TEX9: variants seen among roughly 807,000 people sequenced by gnomAD.
The protein encoded by TEX9 is testis expressed 9.
TEX9 carries 74 observed loss-of-function variants against 59.6 expected under a neutral mutation model. The ratio of observed to expected loss-of-function variants is 1.24; its 90% confidence interval spans 1.03 to 1.51. The LOEUF is 1.51. Among genes scored for constraint, TEX9 ranks in the 40% most tolerant of loss-of-function variants. The pLI is 0.00. For synonymous variants in TEX9, 186 were observed against 152.2 expected (o/e 1.22, Z -1.64); for missense variants, 522 against 447.8 (o/e 1.17, Z -1.49).
intron 10 of TEX9, among the ~76,000 whole-genome samples, chr15:56,419,828 A>T (rs1490641118): frequency 4.0e-5 from 6 of 151,836 alleles, no homozygotes; most frequent in African/African-American, 1.5e-4. Flanking sequence ...CTTTCAGATA[A>T]GTTTTTGTAG....
chr15:56,254,905 T>C (rs1198682160), intron 1 of TEX9, among the ~76,000 whole-genome samples: 1 of 151,680 alleles, frequency 6.6e-6, no homozygotes, highest in African/African-American at 2.4e-5. Flanking sequence ...TGAAATAAAC[T>C]CAGGACATAT....
intron 1 of TEX9, among the ~76,000 whole-genome samples, chr15:56,340,093 A>G (rs1276997702): frequency 6.6e-6 from 1 of 152,134 alleles, no homozygotes; most frequent in Non-Finnish European, 1.5e-5. Flanking sequence ...GTATGGTACT[A>G]ATCTTTGCCA....
rs1223055915 is a variant in TEX9, at chr15:56,315,453, G to A, written c.-106-57988G>A. Reference sequence around the variant, plus strand: ...ATGAAATTCTGGGTTGAAAATTCTTGTCTTTAAGAATGTTGAATATTGGCC... The same window carrying A: ...ATGAAATTCTGGGTTGAAAATTCTTATCTTTAAGAATGTTGAATATTGGCC... On this transcript the variant is annotated intron_variant, in intron 1 of 5. Transcript: ENST00000560827. 1.3e-5 allele frequency among the ~76,000 whole-genome samples: 2 copies of A among 149,314 alleles called. 1 individual carries two copies. The highest frequency in any genetic ancestry group is 3.0e-5 in the Non-Finnish European group (2 of 67,028).
At chr15:56,317,833 T>A (rs889824593) in intron 1 of TEX9, among the ~76,000 whole-genome samples, 1 of 152,198 alleles carries the variant, frequency 6.6e-6, no homozygotes. Flanking sequence ...TTTCCTTCTC[T>A]TATTGATTTT....
intron 6 of TEX9, 134 bp downstream of exon 6, chr15:56,389,534 C>T (rs2048111167): frequency 3.3e-6 from 2 of 612,316 alleles, no homozygotes; most frequent in South Asian, 4.5e-5. Context: ...CCACATATAT[C>T]TTATCCACAT....
At chr15:56,264,482 C>A (rs190927493) in intron 1 of TEX9, among the ~76,000 whole-genome samples, 2 of 152,122 alleles carry the variant, frequency 1.3e-5, no homozygotes, top group Non-Finnish European at 2.9e-5. Flanking sequence ...GAATAGGAGA[C>A]CTTTAAATGA....
chr15:56,420,928 C>T (rs577035896), intron 10 of TEX9, among the ~76,000 whole-genome samples: 1 of 151,926 alleles, frequency 6.6e-6, no homozygotes, highest in African/African-American at 2.4e-5. Context: ...ATTTGAATCA[C>T]TCTAAATTTA....
intron 10 of TEX9, 107 bp from the exon 11 acceptor site, chr15:56,427,497 AT>A: frequency 1.4e-6 from 1 of 715,236 alleles, no homozygotes; most frequent in Non-Finnish European, 2.0e-6. Context: ...AAAATTTTAT[AT>A]TTCAGTTTAA....
chr15:56,413,203 T>TAATTAAATAATTAAATAATTATTAAATA (rs1339669326), intron 10 of TEX9, among the ~76,000 whole-genome samples: 4 of 145,572 alleles, frequency 2.7e-5, no homozygotes, highest in African/African-American at 9.9e-5. Context: ...AAATATTTAA[T>TAATTAAATAATTAAATAATTATTAAATA]ATTTAATAAT....
intron 3 of TEX9, among the ~76,000 whole-genome samples, chr15:56,382,245 C>T (rs1165307635): frequency 2.6e-5 from 4 of 152,096 alleles, no homozygotes; most frequent in Non-Finnish European, 4.4e-5. Flanking sequence ...CTGGGACTCA[C>T]CCTTCAAGGG....
At position 56,309,692 on chromosome 15, in the gene TEX9, A is replaced by AGT. The variant is rs2045560499; in HGVS notation, c.-106-63748_-106-63747dup. On this transcript the variant is annotated intron_variant, in intron 1 of 5. Coordinates refer to the TEX9 transcript ENST00000560827. ...ATCTGGGCCTGGGATTTTTATGGGA[A>AGT]GTTTTTTTTTTTTTTTTTTTTTTTT... 1.1e-4 allele frequency among the ~76,000 whole-genome samples: 5 copies of AGT among 46,004 alleles called. No individual in the cohort carries two copies. The South Asian group carries it at 4.6e-3, about 43-fold the overall frequency. The allele number at this position is 46,004 out of a possible 152,430, so 30.2% of individuals were successfully genotyped here. A position where few individuals can be genotyped will look rare whatever the true frequency, so the allele number is the denominator to read the frequency against.
At chr15:56,440,537 C>T (rs2050799558) in intron 12 of TEX9, among the ~76,000 whole-genome samples, 1 of 152,106 alleles carries the variant, frequency 6.6e-6, no homozygotes, top group Non-Finnish European at 1.5e-5. Context: ...CAGATTTACT[C>T]ATCAGAGCTA....
intron 1 of TEX9, among the ~76,000 whole-genome samples, chr15:56,329,050 C>T (rs2046086707): frequency 6.6e-6 from 1 of 151,920 alleles, no homozygotes; most frequent in South Asian, 2.1e-4. Flanking sequence ...GCTGGTGTCA[C>T]CCCACCCCCA....
chr15:56,394,217 G>T (rs762572184), exon 8 of TEX9: 3 of 1,607,976 alleles, frequency 1.9e-6, no homozygotes, highest in African/African-American at 2.7e-5. Context: ...AGGAGGAATT[G>T]GATAATGTTG....
chr15:56,340,381 A>G (rs2046349420), intron 1 of TEX9, among the ~76,000 whole-genome samples: 1 of 152,218 alleles, frequency 6.6e-6, no homozygotes, highest in Admixed American at 6.5e-5. Context: ...CAATCATGAT[A>G]ATACATCATT....
intron 1 of TEX9, among the ~76,000 whole-genome samples, chr15:56,315,583 A>AT (rs2045736026): frequency 6.7e-6 from 1 of 148,508 alleles, no homozygotes; most frequent in African/African-American, 2.5e-5. Context: ...TGCCCTTAAC[A>AT]TTTTTTCCTT....
At chr15:56,303,489 C>G (rs1208533529) in intron 1 of TEX9, among the ~76,000 whole-genome samples, 4 of 151,946 alleles carry the variant, frequency 2.6e-5, no homozygotes, top group African/African-American at 9.7e-5. Context: ...TTTCTTGAAA[C>G]AAATGAAAAT....
chr15:56,405,744 G>A (rs1228640926), intron 9 of TEX9, among the ~76,000 whole-genome samples: 1 of 152,056 alleles, frequency 6.6e-6, no homozygotes, highest in African/African-American at 2.4e-5. Flanking sequence ...ACAAATCTCG[G>A]TGTACAGTTC....
chr15:56,261,699 A>C (rs1411438476), intron 1 of TEX9, among the ~76,000 whole-genome samples: 1 of 152,176 alleles, frequency 6.6e-6, no homozygotes, highest in Admixed American at 6.5e-5. Context: ...CCTGGGCAAT[A>C]GAGCGAGAGA....
Sources: allele counts gnomAD v4.1 joint callset (sites outside exome capture counted in the v4.1 genomes callset), GRCh38; gene constraint gnomAD v4.1.1; transcripts MANE v1.5; gene names NCBI Gene and HGNC (gene_info 2026-07-23, HGNC 2026-07-21).